Variants in RASGRP3 observed in about 807,000 individuals in gnomAD.
RASGRP3 encodes ras guanyl-releasing protein 3.
Under a neutral mutation model 82.7 loss-of-function variants are expected in RASGRP3, and 54 were observed. The ratio of observed to expected loss-of-function variants is 0.65; its 90% confidence interval spans 0.52 to 0.82. The LOEUF is 0.82. RASGRP3 is among the 40% of genes least tolerant of loss of function. The pLI, the probability that RASGRP3 is intolerant of heterozygous loss-of-function variation, is 0.00. For missense variants in RASGRP3, 861 were observed against 828.9 expected (o/e 1.04, Z -0.48); for synonymous variants, 309 against 300.5 (o/e 1.03, Z -0.29).
chr2:33,486,866 CAA>C (rs1314966809), intron 1 of RASGRP3, among the ~76,000 whole-genome samples: 13 of 152,066 alleles, frequency 8.5e-5, no homozygotes, highest in African/African-American at 3.1e-4. Flanking sequence ...AGAAAAGGAG[CAA>C]AGATAAGGTG....
intron 13 of RASGRP3, among the ~76,000 whole-genome samples, chr2:33,549,113 G>A (rs914767190): frequency 6.6e-6 from 1 of 152,222 alleles, no homozygotes. Flanking sequence ...GCCAGTCGCA[G>A]TGAATGGGCT....
intron 1 of RASGRP3, among the ~76,000 whole-genome samples, chr2:33,497,246 C>T (rs1170056000): frequency 1.3e-5 from 2 of 152,176 alleles, no homozygotes; most frequent in Non-Finnish European, 2.9e-5. Context: ...TATACATGCT[C>T]TGTTTCCTGA....
chr2:33,537,330 C>CCCAACACACA lies in RASGRP3; in HGVS notation c.1162-1763_1162-1762insCAACACACAC, dbSNP rs66749495. 7.4e-3 allele frequency among the ~76,000 whole-genome samples: 707 copies of CCCAACACACA among 95,714 alleles called. 63 individuals are homozygous for CCCAACACACA. Among genetic ancestry groups the CCCAACACACA allele is most frequent in the Middle Eastern group, 0.012 (2 of 166 alleles). 62.8% of individuals were successfully genotyped at this position (95,714 alleles called of 152,430 possible). The stretch of plus-strand genomic sequence containing the variant: ...TACACACACACACACACCGCCCCCC[C>CCCAACACACA]CACACACACACACAAGTATATATAT... On this transcript the variant is annotated intron_variant, in intron 11 of 17. Coordinates refer to ENST00000403687, the MANE Select transcript of RASGRP3 (RefSeq NM_001139488.2).
chr2:33,550,526 C>T (rs1335488221), intron 14 of RASGRP3, among the ~76,000 whole-genome samples: 4 of 152,158 alleles, frequency 2.6e-5, no homozygotes, highest in Admixed American at 2.6e-4. Flanking sequence ...GTTTTTGATC[C>T]TGGCCTTAAC....
chr2:33,472,870 CAAA>C (rs57159320), upstream of RASGRP3, among the ~76,000 whole-genome samples: 6 of 68,074 alleles, frequency 8.8e-5, no homozygotes, highest in Admixed American at 1.8e-4. Context: ...GACTCCGTCT[CAAA>C]AAAAAAAAAA....
chr2:33,532,987 C>G (rs1450006948), intron 10 of RASGRP3: 1 of 152,162 alleles, frequency 6.6e-6, no homozygotes, highest in Non-Finnish European at 1.5e-5. Flanking sequence ...TTTTCTCTGG[C>G]TTCCTCCTTC....
At chr2:33,553,722 G>C (rs1356970636) in intron 14 of RASGRP3, among the ~76,000 whole-genome samples, 1 of 152,032 alleles carries the variant, frequency 6.6e-6, no homozygotes, top group Non-Finnish European at 1.5e-5. Context: ...CTCTGTCCTA[G>C]GAGACATTTG....
chr2:33,448,860 A>G (rs1271916808), intron 2 of RASGRP3, among the ~76,000 whole-genome samples: 1 of 152,238 alleles, frequency 6.6e-6, no homozygotes, highest in Non-Finnish European at 1.5e-5. Context: ...ACTATATAAT[A>G]TAGCAAAACG....
chr2:33,483,811 G>T (rs1668140601), intron 1 of RASGRP3, among the ~76,000 whole-genome samples: 1 of 152,072 alleles, frequency 6.6e-6, no homozygotes, highest in Admixed American at 6.6e-5. Flanking sequence ...TTCTGTTGTT[G>T]AATTGTTTCA....
chr2:33,539,028 G>A (rs1330088835), intron 11 of RASGRP3, 66 bp from the exon 12 acceptor site: 2 of 1,189,536 alleles, frequency 1.7e-6, no homozygotes, highest in East Asian at 2.6e-5. Flanking sequence ...GACAGAACCA[G>A]ACCCTGTCTC....
chr2:33,561,056 T>C (rs1676592585), intron 17 of RASGRP3, among the ~76,000 whole-genome samples: 3 of 152,102 alleles, frequency 2.0e-5, no homozygotes, highest in Admixed American at 2.0e-4. Context: ...TGTGTTCTTA[T>C]CTCTTTTCTT....
intron 10 of RASGRP3, among the ~76,000 whole-genome samples, chr2:33,529,989 T>G (rs541791285): frequency 1.3e-5 from 2 of 152,208 alleles, no homozygotes; most frequent in African/African-American, 4.8e-5. Flanking sequence ...GTTTAGTGCA[T>G]AGCAGTATAC....
chr2:33,517,872 A>C (rs1273679009), intron 4 of RASGRP3, among the ~76,000 whole-genome samples: 1 of 152,168 alleles, frequency 6.6e-6, no homozygotes, highest in Non-Finnish European at 1.5e-5. Flanking sequence ...AAAGTTGAAG[A>C]CTGCCTGTGA....
intron 1 of RASGRP3, among the ~76,000 whole-genome samples, chr2:33,502,707 G>A (rs1049160181): frequency 3.9e-5 from 6 of 151,910 alleles, no homozygotes; most frequent in Non-Finnish European, 5.9e-5. Flanking sequence ...TAGAGACAGC[G>A]TTTCACCATA....
intron 1 of RASGRP3, among the ~76,000 whole-genome samples, chr2:33,488,061 C>T (rs549585673): frequency 3.9e-5 from 6 of 152,222 alleles, no homozygotes; most frequent in Admixed American, 2.6e-4. Flanking sequence ...TGGGAAAAGC[C>T]GTGATTCAAG....
chr2:33,451,489 A>C (rs1665798341), intron 2 of RASGRP3, among the ~76,000 whole-genome samples: 1 of 152,186 alleles, frequency 6.6e-6, no homozygotes, highest in African/African-American at 2.4e-5. Flanking sequence ...TGCCGAGACC[A>C]ATGACAAGAA....
Position 33,559,041 on chromosome 2 carries a change from G to C in RASGRP3, c.2064+11G>C, listed in dbSNP as rs1353718876. 2 of 1,567,944 alleles carry C rather than the reference G, an allele frequency of 1.3e-6. No homozygotes were observed. Among genetic ancestry groups the C allele is most frequent in the African/African-American group, 2.7e-5 (2 of 73,130 alleles). Reference sequence around the variant, plus strand: ...AGACAGGATGGTGAGGTAAGTGCTAGGTCAACCCACAAAGAAAACCAGAAG... The same window carrying C: ...AGACAGGATGGTGAGGTAAGTGCTACGTCAACCCACAAAGAAAACCAGAAG... On this transcript the variant is annotated intron_variant, in intron 17 of 17. Coordinates refer to ENST00000403687, the MANE Select transcript of RASGRP3 (RefSeq NM_001139488.2).
intron 1 of RASGRP3, among the ~76,000 whole-genome samples, chr2:33,438,807 C>T (rs1665064632): frequency 6.6e-6 from 1 of 151,610 alleles, no homozygotes; most frequent in Admixed American, 6.6e-5. Context: ...CATGTGTTTA[C>T]AGTTTACATA....
chr2:33,548,777 GC>G lies in RASGRP3; in HGVS notation c.1395-826del, dbSNP rs760587415. On this transcript the variant is annotated intron_variant, in intron 13 of 17. Transcript: ENST00000403687. ...GCTGGAGTGCAGTGGTGTGATCTCG[GC>G]TCACTGCAATCTCTGCCTCCGTGAC... Among the ~76,000 whole-genome samples the G allele has an allele frequency of 2.0e-4, 30 of 152,006 alleles. No individual in the cohort carries two copies. The East Asian group carries it at 2.1e-3, about 11-fold the overall frequency.
Sources: gnomAD v4.1 joint callset for allele counts (sites outside exome capture counted in the v4.1 genomes callset) on GRCh38, gnomAD v4.1.1 for gene constraint, MANE v1.5 for transcripts, NCBI Gene and HGNC (gene_info 2026-07-23, HGNC 2026-07-21) for gene names.